The following TRPS1 variants were observed in gnomAD, a reference collection of about 807,000 sequenced individuals.
TRPS1 encodes transcriptional repressor GATA binding 1.
Under a neutral mutation model 101.2 loss-of-function variants are expected in TRPS1, and 6 were observed. That is an observed-to-expected ratio of 0.06 (90% CI 0.03 to 0.12). The LOEUF is 0.12. Among genes scored for constraint, TRPS1 ranks in the 10% least tolerant of loss-of-function variants. TRPS1 has a pLI of 1.00. For synonymous variants in TRPS1, 578 were observed against 589.8 expected, an observed-to-expected ratio of 0.98 and a Z score of 0.29; for missense variants, 1,363 against 1,567.0, an observed-to-expected ratio of 0.87 and a Z score of 2.20.
intron 5 of TRPS1, among the ~76,000 whole-genome samples, chr8:115,580,194 T>A (rs1817409215): frequency 7.0e-6 from 1 of 143,700 alleles, no homozygotes; most frequent in Non-Finnish European, 1.5e-5. Flanking sequence ...TACAAACACT[T>A]AAGGAAAGTT....
rs575384609 is a variant in TRPS1 at position 115,587,293 on chromosome 8, C to T, written c.2408G>A (p.Arg803His). ...GTCTGCCCCTCTCCAAGTCACATTGCGAAGGTCATCACTGGAACTCTCGGT... is the reference window on the plus strand; with the variant it reads ...GTCTGCCCCTCTCCAAGTCACATTGTGAAGGTCATCACTGGAACTCTCGGT... Reference protein sequence around the residue: ...VWTESSSDDLRNVTWRGADIL... With the variant: ...VWTESSSDDLHNVTWRGADIL... Residue 803 changes from arginine (R) to histidine (H), a missense_variant, in exon 5 of 7, where the codon CGC becomes CAC. Coordinates refer to ENST00000395715, the MANE Select transcript of TRPS1 (RefSeq NM_014112.5). The T allele has an allele frequency of 1.9e-6, 3 of 1,614,184 alleles. No homozygotes were observed. The highest frequency in any genetic ancestry group is 2.5e-6 in the Non-Finnish European group (3 of 1,180,034).
intron 5 of TRPS1, among the ~76,000 whole-genome samples, chr8:115,434,781 T>G (rs1813408988): frequency 6.6e-6 from 1 of 152,172 alleles, no homozygotes; most frequent in Non-Finnish European, 1.5e-5. Context: ...TTTGAATGCT[T>G]ATAACCTGTC....
intron 5 of TRPS1, among the ~76,000 whole-genome samples, chr8:115,572,674 T>C (rs141222811): frequency 9.1e-4 from 138 of 152,320 alleles, no homozygotes; most frequent in Admixed American, 1.7e-3. Flanking sequence ...GTTAGTTAAT[T>C]TGGAAGTCAT....
intron 5 of TRPS1, among the ~76,000 whole-genome samples, chr8:115,432,641 A>G (rs1038773977): frequency 1.3e-5 from 2 of 151,968 alleles, no homozygotes; most frequent in African/African-American, 4.8e-5. Context: ...TGCCTGCTAT[A>G]TAAAAGTAAT....
intron 5 of TRPS1, among the ~76,000 whole-genome samples, chr8:115,425,136 G>A (rs1813156753): frequency 6.6e-6 from 1 of 152,164 alleles, no homozygotes; most frequent in African/African-American, 2.4e-5. Flanking sequence ...AATTGAACAA[G>A]ACCAGGGAAA....
rs75910015 is a variant in TRPS1, at chr8:115,412,554, T to C, written c.*1469A>G. ...TTACTAGAAAAATAAGTTTTTTTTTTCCTATTTGTTCTCCCAACTTCTTTA... is the reference window on the plus strand; with the variant it reads ...TTACTAGAAAAATAAGTTTTTTTTTCCCTATTTGTTCTCCCAACTTCTTTA... On this transcript the variant is annotated 3_prime_UTR_variant, in exon 7 of 7. Transcript: ENST00000395715. 6.6e-6 allele frequency: 1 copy of C among 152,512 alleles called. No homozygotes were observed. Among genetic ancestry groups the C allele is most frequent in the African/African-American group, 2.4e-5 (1 of 41,428 alleles). The allele number at this position is 152,512 out of a possible 1,614,324, so 9.4% of individuals were successfully genotyped here. A position where few individuals can be genotyped will look rare whatever the true frequency, so the allele number is the denominator to read the frequency against.
intron 1 of TRPS1, chr8:115,667,783 A>G: frequency 2.0e-6 from 3 of 1,491,186 alleles, no homozygotes; most frequent in Non-Finnish European, 2.7e-6. Flanking sequence ...TTCAAAGCCA[A>G]AGGCAGTCCT....
At chr8:115,665,978 A>C (rs1811912121) in intron 1 of TRPS1, among the ~76,000 whole-genome samples, 1 of 152,196 alleles carries the variant, frequency 6.6e-6, no homozygotes, top group Non-Finnish European at 1.5e-5. Flanking sequence ...GTGGTAAATA[A>C]TACTTCGCCA....
intron 5 of TRPS1, among the ~76,000 whole-genome samples, chr8:115,461,341 A>C (rs938579220): frequency 6.7e-6 from 1 of 149,720 alleles, no homozygotes; most frequent in Non-Finnish European, 1.5e-5. Flanking sequence ...ACATACATAC[A>C]TACCCACACA....
At chr8:115,658,663 C>A (rs1295548040) in intron 1 of TRPS1, among the ~76,000 whole-genome samples, 1 of 151,938 alleles carries the variant, frequency 6.6e-6, no homozygotes, top group Non-Finnish European at 1.5e-5. Context: ...ATATGTATGT[C>A]CATAATTATG....
At chr8:115,591,114 A>C (rs1181980790) in intron 4 of TRPS1, among the ~76,000 whole-genome samples, 1 of 152,160 alleles carries the variant, frequency 6.6e-6, no homozygotes, top group African/African-American at 2.4e-5. Context: ...TTACTGCTTA[A>C]TTGTCAAGCT....
chr8:115,458,483 T>C (rs944248104), intron 5 of TRPS1, among the ~76,000 whole-genome samples: 2 of 152,200 alleles, frequency 1.3e-5, no homozygotes, highest in Admixed American at 6.5e-5. Flanking sequence ...GGGCGACTTC[T>C]GTGGGTCTCA....
chr8:115,482,620 A>T (rs1247810483), intron 5 of TRPS1, among the ~76,000 whole-genome samples: 1 of 152,192 alleles, frequency 6.6e-6, no homozygotes, highest in East Asian at 1.9e-4. Context: ...ACCCCAACAA[A>T]GTTGGGATAC....
At chr8:115,636,179 A>G (rs1288045662) in intron 1 of TRPS1, among the ~76,000 whole-genome samples, 5 of 152,010 alleles carry the variant, frequency 3.3e-5, no homozygotes, top group Admixed American at 3.3e-4. Context: ...ATGTACATAC[A>G]TATAATTTAT....
chr8:115,624,792 T>C (rs919322282), intron 1 of TRPS1, among the ~76,000 whole-genome samples: 2 of 151,974 alleles, frequency 1.3e-5, no homozygotes, highest in Middle Eastern at 3.4e-3. Context: ...TTTATCTCAC[T>C]ATTTAAAGTG....
intron 5 of TRPS1, among the ~76,000 whole-genome samples, chr8:115,534,268 A>G (rs926225043): frequency 5.0e-4 from 72 of 142,602 alleles, no homozygotes; most frequent in Non-Finnish European, 6.6e-4. Flanking sequence ...CACACTGGAG[A>G]TTGAAGCTCT....
chr8:115,456,688 T>A (rs1051570886), intron 5 of TRPS1, among the ~76,000 whole-genome samples: 2 of 151,950 alleles, frequency 1.3e-5, no homozygotes, highest in Non-Finnish European at 2.9e-5. Context: ...CATAAAGAAA[T>A]ACATAAAGAA....
chr8:115,607,849 G>C (rs1002647638), intron 3 of TRPS1, among the ~76,000 whole-genome samples: 2 of 151,916 alleles, frequency 1.3e-5, no homozygotes, highest in African/African-American at 4.8e-5. Context: ...AAATATAGAT[G>C]ACATACAACA....
chr8:115,520,135 C>G (rs1223127078), intron 5 of TRPS1, among the ~76,000 whole-genome samples: 2 of 151,492 alleles, frequency 1.3e-5, no homozygotes. Flanking sequence ...AAAAAAACAG[C>G]ATTAATATAT....
Sources: allele counts gnomAD v4.1 joint callset (sites outside exome capture counted in the v4.1 genomes callset), GRCh38; gene constraint gnomAD v4.1.1; transcripts MANE v1.5; gene names NCBI Gene and HGNC (gene_info 2026-07-23, HGNC 2026-07-21).